The following RBM43 variants were observed in gnomAD, a reference collection of about 807,000 sequenced individuals.
RBM43 encodes the protein RNA binding motif protein 43.
Under a neutral mutation model 12.4 loss-of-function variants are expected in RBM43, and 12 were observed. That is an observed-to-expected ratio of 0.97 (90% CI 0.62 to 1.57). The LOEUF (loss-of-function observed/expected upper bound fraction) is 1.57. Ranked by LOEUF, RBM43 falls within the 40% of genes most tolerant of loss-of-function variation. The pLI, the probability that RBM43 is intolerant of heterozygous loss-of-function variation, is 0.00. For missense variants in RBM43, 348 were observed against 400.1 expected, an observed-to-expected ratio of 0.87 and a Z score of 1.11; for synonymous variants, 138 against 145.7, an observed-to-expected ratio of 0.95 and a Z score of 0.38.
At chr2:151,261,500 ATGCCGCCACCTGGGAAGGG>A in intron 1 of RBM43, 1 of 1,550,116 alleles carries the variant, frequency 6.5e-7, no homozygotes, top group Non-Finnish European at 8.7e-7. Flanking sequence ...GGAGCGCGCA[ATGCCGCCACCTGGGAAGGG>A]TGCAGCGAGG....
intron 3 of RBM43, among the ~76,000 whole-genome samples, chr2:151,252,171 C>T (rs1682910950): frequency 1.3e-5 from 2 of 152,064 alleles, no homozygotes; most frequent in Admixed American, 1.3e-4. Context: ...CAAAATAAGC[C>T]TTTAGGTTGG....
At chr2:151,256,191 AC>A (rs201430652) in intron 1 of RBM43, among the ~76,000 whole-genome samples, 1,848 of 152,150 alleles carry the variant, frequency 0.012, 41 homozygotes, top group African/African-American at 0.041. Flanking sequence ...TGAACTCCTG[AC>A]CTCAAGAGAT....
At chr2:151,258,535 A>C (rs1159030462) in intron 1 of RBM43, among the ~76,000 whole-genome samples, 1 of 151,874 alleles carries the variant, frequency 6.6e-6, no homozygotes, top group African/African-American at 2.4e-5. Context: ...GTCTCTATCA[A>C]AAACAGAAAA....
At chr2:151,252,195 C>G (rs1573732757) in intron 3 of RBM43, among the ~76,000 whole-genome samples, 1 of 152,304 alleles carries the variant, frequency 6.6e-6, no homozygotes, top group Admixed American at 6.5e-5. Flanking sequence ...CTGGCATCAT[C>G]CATGACAGTA....
chr2:151,255,857 G>A, intron 1 of RBM43, 114 bp from the exon 2 acceptor site: 1 of 748,456 alleles, frequency 1.3e-6, no homozygotes. Flanking sequence ...GGTGCAGCTG[G>A]TTAGATACTT....
At chr2:151,260,562 G>T (rs1332444760) in intron 1 of RBM43, among the ~76,000 whole-genome samples, 3 of 152,094 alleles carry the variant, frequency 2.0e-5, no homozygotes, top group African/African-American at 7.2e-5. Context: ...CCCTGAACCA[G>T]TATTTTTAGA....
In RBM43 at chr2:151,249,998, C is replaced by T. The variant is rs1308010836; in HGVS notation, c.*908G>A. 1.3e-5 allele frequency: 2 copies of T among 152,116 alleles called. No homozygotes were observed. The highest frequency in any genetic ancestry group is 2.9e-5 in the Non-Finnish European group (2 of 68,024). 9.4% of individuals were successfully genotyped at this position (152,116 alleles called of 1,614,324 possible). A position where few individuals can be genotyped will look rare whatever the true frequency, so the allele number is the denominator to read the frequency against. On this transcript the variant is annotated 3_prime_UTR_variant, in exon 4 of 4. Coordinates refer to ENST00000331426, the MANE Select transcript of RBM43 (RefSeq NM_198557.3). ...ACTTGCACAATTATAAAAGAATCAC[C>T]ATTTTATGTAAGCACTTAGGCTAAA...
At chr2:151,260,115 C>A (rs1047554216) in intron 1 of RBM43, among the ~76,000 whole-genome samples, 1 of 151,410 alleles carries the variant, frequency 6.6e-6, no homozygotes, top group Non-Finnish European at 1.5e-5. Context: ...CCGCTCCCCC[C>A]TCGGCCTCTC....
intron 1 of RBM43, chr2:151,261,442 C>T: frequency 1.9e-6 from 3 of 1,550,620 alleles, no homozygotes; most frequent in East Asian, 2.4e-5. Context: ...CAGCCTAGTC[C>T]TGAGCCTCTG....
chr2:151,254,909 T>A (rs1039708810), intron 2 of RBM43, among the ~76,000 whole-genome samples: 1 of 152,208 alleles, frequency 6.6e-6, no homozygotes, highest in Non-Finnish European at 1.5e-5. Context: ...ATATCATCTT[T>A]GTGGGGTTTT....
intron 2 of RBM43, among the ~76,000 whole-genome samples, chr2:151,254,797 AG>A (rs1469399835): frequency 6.6e-6 from 1 of 152,186 alleles, no homozygotes; most frequent in Admixed American, 6.5e-5. Flanking sequence ...CAACTTTGCC[AG>A]TAATAAGGCA....
rs981786467 is a variant in RBM43 at position 151,248,603 on chromosome 2, A to G, written c.*2303T>C. 2.6e-5 allele frequency: 4 copies of G among 152,130 alleles called. No individual in the cohort carries two copies. The highest frequency in any genetic ancestry group is 5.9e-5 in the Non-Finnish European group (4 of 68,014). 9.4% of individuals were successfully genotyped at this position (152,130 alleles called of 1,614,324 possible). A position where few individuals can be genotyped will look rare whatever the true frequency, so the allele number is the denominator to read the frequency against. On this transcript the variant is annotated 3_prime_UTR_variant, in exon 4 of 4. Transcript: ENST00000331426. ...CTCAAGATATCAATGAAATATGCAT[A>G]TCTTATTTGGAGTGTATGATTTTAT...
rs941444335 is a variant in RBM43 at position 151,249,263 on chromosome 2, A to T, written c.*1643T>A. 6.6e-6 allele frequency: 1 copy of T among 152,192 alleles called. No individual in the cohort carries two copies. The highest frequency in any genetic ancestry group is 1.5e-5 in the Non-Finnish European group (1 of 68,036). 9.4% of individuals were successfully genotyped at this position (152,192 alleles called of 1,614,324 possible). The stretch of plus-strand genomic sequence containing the variant: ...AAAATGTAGACACAAAACTAAATTT[A>T]ATGTTTTGAGAAGAAAGAATTTCAA... On this transcript the variant is annotated 3_prime_UTR_variant, in exon 4 of 4. Transcript: ENST00000331426.
In RBM43 at chr2:151,261,771, A is replaced by AT. The variant is rs1683051257; in HGVS notation, c.-45_-44insA. 6.3e-7 allele frequency: 1 copy of AT among 1,590,744 alleles called. No homozygotes were observed. Among genetic ancestry groups the AT allele is most frequent in the Admixed American group, 1.8e-5 (1 of 55,290 alleles). On this transcript the variant is annotated 5_prime_UTR_variant, in exon 1 of 4. Coordinates refer to ENST00000331426, the MANE Select transcript of RBM43 (RefSeq NM_198557.3). Reference sequence around the variant, plus strand: ...CCTCAGCGGCCGCAGAAAGCCCACAACCAGCGGAACGCAGGCGATGGGGAG... The same window carrying AT: ...CCTCAGCGGCCGCAGAAAGCCCACAATCCAGCGGAACGCAGGCGATGGGGAG...
chr2:151,253,540 A>C (rs1682932768), intron 2 of RBM43, among the ~76,000 whole-genome samples: 1 of 152,186 alleles, frequency 6.6e-6, no homozygotes, highest in Non-Finnish European at 1.5e-5. Flanking sequence ...TTAATCCATC[A>C]ACATGTCCCG....
chr2:151,253,962 A>G (rs1164226763), intron 2 of RBM43, among the ~76,000 whole-genome samples: 5 of 152,118 alleles, frequency 3.3e-5, no homozygotes, highest in African/African-American at 1.2e-4. Context: ...ATGTCATCTA[A>G]ACAGAGCATT....
rs1682899644 is a variant in RBM43, at chr2:151,251,280, A to G, written c.700T>C (p.Cys234Arg). ...TTCAGTGTGCTTTCATAAGATCCAC[A>G]CTTGTGTTTCAGGTAAAGAAAAACA... ...TDVFLYLKHK[C>R]GSYESTLKKF... The change falls in exon 4 of 4, where the codon TGT (cysteine) becomes CGT (arginine). Residue 234 changes from cysteine to arginine, a missense_variant. Transcript: ENST00000331426. 1.2e-6 allele frequency: 2 copies of G among 1,613,856 alleles called. No homozygotes were observed. Among genetic ancestry groups the G allele is most frequent in the South Asian group, 1.1e-5 (1 of 91,080 alleles).
At position 151,257,565 on chromosome 2, in the gene RBM43, T is replaced by C. The variant is rs1031629754; in HGVS notation, c.4-1822A>G. ...AAAATTAGCCTGGCATGGTGGTGCA[T>C]GCCTGTAATCCCAGCTACTCTGGAG... On this transcript the variant is annotated intron_variant, in intron 1 of 3. Coordinates refer to ENST00000331426, the MANE Select transcript of RBM43 (RefSeq NM_198557.3). Among the ~76,000 whole-genome samples the C allele has an allele frequency of 2.6e-5, 4 of 151,874 alleles. No homozygotes were observed. The South Asian group carries it at 8.3e-4, about 32-fold the overall frequency.
intron 2 of RBM43, 39 bp from the exon 3 acceptor site, chr2:151,252,894 G>C (rs1252104721): frequency 1.1e-6 from 1 of 918,266 alleles, no homozygotes; most frequent in South Asian, 1.6e-5. Flanking sequence ...TTTATGGCAT[G>C]ATACACTAAT....
Sources: gnomAD v4.1 joint callset for allele counts (sites outside exome capture counted in the v4.1 genomes callset) on GRCh38, gnomAD v4.1.1 for gene constraint, MANE v1.5 for transcripts, NCBI Gene and HGNC (gene_info 2026-07-23, HGNC 2026-07-21) for gene names.